The following MAGI2 variants were observed in gnomAD, a reference collection of about 807,000 sequenced individuals.
MAGI2 encodes membrane associated guanylate kinase, WW and PDZ domain containing 2, also known as membrane-associated guanylate kinase, WW and PDZ domain-containing protein 2.
A neutral mutation model predicts 133.3 loss-of-function variants in MAGI2; 35 were observed. That is an observed-to-expected ratio of 0.26 (90% confidence interval 0.20 to 0.35). The LOEUF is 0.35. Among genes scored for constraint, MAGI2 ranks in the 10% least tolerant of loss-of-function variants. The pLI is 1.00. For missense variants in MAGI2, 1,636 were observed against 1,863.4 expected (o/e 0.88, Z 2.25); for synonymous variants, 729 against 710.6 (o/e 1.03, Z -0.41).
intron 2 of MAGI2, among the ~76,000 whole-genome samples, chr7:78,731,714 C>A (rs1353456278): frequency 1.3e-5 from 2 of 152,082 alleles, no homozygotes; most frequent in Non-Finnish European, 2.9e-5. Context: ...CCAATTTTTG[C>A]TGCTCATGAA....
chr7:79,200,446 A>T (rs12670389), intron 1 of MAGI2, among the ~76,000 whole-genome samples: 38 of 95,748 alleles, frequency 4.0e-4, no homozygotes, highest in African/African-American at 2.6e-3. Context: ...CTACAAAATT[A>T]AAAAAAAAAA....
chr7:78,365,162 C>T (rs558394315), intron 7 of MAGI2, among the ~76,000 whole-genome samples: 10 of 151,880 alleles, frequency 6.6e-5, no homozygotes, highest in African/African-American at 7.2e-5. Flanking sequence ...GCCATGTTGT[C>T]CAGGGCTACT....
intron 1 of MAGI2, among the ~76,000 whole-genome samples, chr7:79,041,490 A>G (rs571530909): frequency 6.6e-6 from 1 of 152,286 alleles, no homozygotes; most frequent in African/African-American, 2.4e-5. Flanking sequence ...TGATGATAGT[A>G]AAAATGTACT....
chr7:78,257,684 C>G (rs962267729), intron 9 of MAGI2, among the ~76,000 whole-genome samples: 2 of 152,008 alleles, frequency 1.3e-5, no homozygotes, highest in Non-Finnish European at 1.5e-5. Context: ...TTTTGGAGAA[C>G]TATTTTATCA....
intron 3 of MAGI2, among the ~76,000 whole-genome samples, chr7:78,620,246 CAAT>C (rs529900748): frequency 9.2e-4 from 139 of 151,908 alleles, no homozygotes; most frequent in African/African-American, 3.2e-3. Context: ...TCTGTGGTGC[CAAT>C]AATGATTTTT....
chr7:79,255,597 T>C (rs1225078705), intron 1 of MAGI2, among the ~76,000 whole-genome samples: 1 of 151,940 alleles, frequency 6.6e-6, no homozygotes. Context: ...TTTTAGAAAA[T>C]AGTACCAGAT....
At chr7:78,391,413 T>C (rs575519110) in intron 6 of MAGI2, among the ~76,000 whole-genome samples, 1 of 152,176 alleles carries the variant, frequency 6.6e-6, no homozygotes, top group Non-Finnish European at 1.5e-5. Flanking sequence ...TAAGGAAATA[T>C]GGATATATTT....
intron 2 of MAGI2, among the ~76,000 whole-genome samples, 186 bp from the exon 3 acceptor site, chr7:78,627,425 G>A (rs1246808908): frequency 6.6e-6 from 1 of 152,158 alleles, no homozygotes; most frequent in Non-Finnish European, 1.5e-5. Context: ...TAAAGTAAAT[G>A]TACAAAGCAC....
chr7:79,285,763 A>T (rs1835955266), intron 1 of MAGI2, among the ~76,000 whole-genome samples: 1 of 152,128 alleles, frequency 6.6e-6, no homozygotes, highest in Admixed American at 6.6e-5. Flanking sequence ...GAACAACGAT[A>T]CTCTGAAAAC....
At chr7:78,250,905 G>A (rs1792317800) in intron 10 of MAGI2, among the ~76,000 whole-genome samples, 2 of 151,952 alleles carry the variant, frequency 1.3e-5, no homozygotes, top group African/African-American at 4.8e-5. Flanking sequence ...CTATTATCCT[G>A]ACACCAAAGC....
chr7:78,394,824 A>G (rs9641393), intron 6 of MAGI2, among the ~76,000 whole-genome samples: 137,088 of 152,212 alleles, frequency 0.9, 61,951 homozygotes, highest in African/African-American at 0.96. Flanking sequence ...CTCTAAGTAC[A>G]TCCTCGATAT....
At chr7:79,422,332 T>C (rs1847023521) in intron 1 of MAGI2, among the ~76,000 whole-genome samples, 1 of 152,010 alleles carries the variant, frequency 6.6e-6, no homozygotes, top group Non-Finnish European at 1.5e-5. Flanking sequence ...TATTTGGGTG[T>C]CCTAATCCAA....
At chr7:79,306,782 G>A (rs989238361) in intron 1 of MAGI2, among the ~76,000 whole-genome samples, 6 of 151,890 alleles carry the variant, frequency 4.0e-5, no homozygotes, top group Non-Finnish European at 4.4e-5. Context: ...TTGAATCTAC[G>A]TGTAAATCTT....
intron 2 of MAGI2, among the ~76,000 whole-genome samples, chr7:78,894,206 C>G (rs1563635295): frequency 6.6e-6 from 1 of 152,136 alleles, no homozygotes; most frequent in Non-Finnish European, 1.5e-5. Flanking sequence ...TCGAGATGAT[C>G]CTGGCTAACA....
chr7:78,389,126 C>T (rs11766914), intron 6 of MAGI2, among the ~76,000 whole-genome samples: 8,185 of 152,176 alleles, frequency 0.054, 315 homozygotes, highest in South Asian at 0.095. Context: ...AACATGAAAG[C>T]TACTTTATCA....
chr7:78,723,448 A>G lies in MAGI2; in HGVS notation c.419-96209T>C, dbSNP rs560221577. On this transcript the variant is annotated intron_variant, in intron 2 of 21. Coordinates refer to ENST00000354212, the MANE Select transcript of MAGI2 (RefSeq NM_012301.4). ...TTCTGAAACAAGTAAGCTTCTGACC[A>G]AATATTGCAAAACATTGATAAGGGA... Among the ~76,000 whole-genome samples the G allele has an allele frequency of 9.8e-5, 15 of 152,372 alleles. No homozygotes were observed. The East Asian group carries it at 1.9e-3, about 20-fold the overall frequency.
At chr7:78,244,271 A>T in intron 10 of MAGI2, among the ~76,000 whole-genome samples, 1 of 145,896 alleles carries the variant, frequency 6.9e-6, no homozygotes, top group African/African-American at 2.4e-5. Context: ...TTTGATTTTA[A>T]TTCTATTTAA....
In MAGI2 at chr7:78,098,615, A is replaced by T. The variant is rs546195645; in HGVS notation, c.3568-19530T>A. On this transcript the variant is annotated intron_variant, in intron 20 of 21. Transcript: ENST00000354212. ...TAGCAAAAACGAGATCTATATACAT[A>T]GCAGTGGAGTTGCTGATTTGTAGAG... Among the ~76,000 whole-genome samples the T allele has an allele frequency of 4.6e-5, 7 of 152,304 alleles. No homozygotes were observed. In the South Asian group the frequency reaches 1.2e-3, roughly 27 times the overall value.
At chr7:78,457,808 A>C (rs1789479600) in intron 6 of MAGI2, among the ~76,000 whole-genome samples, 1 of 152,214 alleles carries the variant, frequency 6.6e-6, no homozygotes, top group Non-Finnish European at 1.5e-5. Flanking sequence ...TAGTCAGTGT[A>C]AGAGCTGAGA....
Sources: gnomAD v4.1 joint callset for allele counts (sites outside exome capture counted in the v4.1 genomes callset) on GRCh38, gnomAD v4.1.1 for gene constraint, MANE v1.5 for transcripts, NCBI Gene and HGNC (gene_info 2026-07-23, HGNC 2026-07-21) for gene names.